PLXDC2: variants seen among roughly 807,000 people sequenced by gnomAD.
PLXDC2 encodes the protein plexin domain-containing protein 2.
A neutral mutation model predicts 68.9 loss-of-function variants in PLXDC2; 40 were observed. The observed-to-expected ratio is 0.58, with a 90% confidence interval of 0.45 to 0.76. PLXDC2 has a LOEUF of 0.76. Among genes scored for constraint, PLXDC2 ranks in the 30% least tolerant of loss-of-function variants. The probability of loss-of-function intolerance (pLI) is 0.00; values close to 1 mark genes in which losing one functional copy is unlikely to be tolerated. For missense variants in PLXDC2, 644 were observed against 661.9 expected, an observed-to-expected ratio of 0.97 and a Z score of 0.30; for synonymous variants, 243 against 234.2, an observed-to-expected ratio of 1.04 and a Z score of -0.34.
rs908221869 is a variant in PLXDC2, at chr10:20,280,195, C to T, written c.*376C>T. 2 of 165,892 alleles carry T rather than the reference C, an allele frequency of 1.2e-5. No individual in the cohort carries two copies. The highest frequency in any genetic ancestry group is 4.8e-5 in the African/African-American group (2 of 41,914). The allele number at this position is 165,892 out of a possible 1,614,324, so 10.3% of individuals were successfully genotyped here. The stretch of plus-strand genomic sequence containing the variant: ...GCTTTAGTTCATGAGGGATCGACAC[C>T]TTTGGTTCAAATGTTCTCTGATGTC... On this transcript the variant is annotated 3_prime_UTR_variant, in exon 14 of 14. Coordinates refer to ENST00000377252, the MANE Select transcript of PLXDC2 (RefSeq NM_032812.9).
intron 4 of PLXDC2, among the ~76,000 whole-genome samples, chr10:20,085,951 G>A (rs1274795295): frequency 6.6e-6 from 1 of 152,156 alleles, no homozygotes; most frequent in Non-Finnish European, 1.5e-5. Context: ...ATGGTAAAAG[G>A]AAAAACTAAG....
chr10:20,246,740 C>A (rs1835601335), intron 13 of PLXDC2, among the ~76,000 whole-genome samples: 1 of 152,176 alleles, frequency 6.6e-6, no homozygotes, highest in African/African-American at 2.4e-5. Context: ...TAAAAGAAAT[C>A]TTCTCTTGCA....
At chr10:19,933,085 G>A (rs1306143892) in intron 1 of PLXDC2, among the ~76,000 whole-genome samples, 1 of 152,198 alleles carries the variant, frequency 6.6e-6, no homozygotes, top group African/African-American at 2.4e-5. Flanking sequence ...AGTGTTGTTA[G>A]TTAGGCCTGG....
intron 3 of PLXDC2, among the ~76,000 whole-genome samples, chr10:20,061,305 A>G (rs10764189): frequency 0.77 from 117,813 of 152,152 alleles, 45,955 homozygotes; most frequent in East Asian, 0.9. Context: ...TGCCTTTCAT[A>G]AACATGACAC....
At chr10:20,095,668 C>G (rs1303945328) in intron 4 of PLXDC2, among the ~76,000 whole-genome samples, 1 of 152,092 alleles carries the variant, frequency 6.6e-6, no homozygotes, top group Non-Finnish European at 1.5e-5. Context: ...ATTCTGTGCT[C>G]TACTGAGGAG....
At chr10:20,186,981 G>A (rs1440841059) in intron 9 of PLXDC2, among the ~76,000 whole-genome samples, 1 of 151,810 alleles carries the variant, frequency 6.6e-6, no homozygotes. Context: ...AAGTGTATTT[G>A]GCTTTCTGTG....
At chr10:20,238,179 A>AAT (rs1339248057) in intron 12 of PLXDC2, among the ~76,000 whole-genome samples, 6 of 149,264 alleles carry the variant, frequency 4.0e-5, no homozygotes, top group Non-Finnish European at 8.9e-5. Flanking sequence ...TATATATACA[A>AAT]ATATATATAT....
At position 19,816,859 on chromosome 10, in the gene PLXDC2, C is replaced by T; in HGVS notation, c.-221C>T. 1 of 579,868 alleles carries T rather than the reference C, an allele frequency of 1.7e-6. No individual in the cohort carries two copies. Among genetic ancestry groups the T allele is most frequent in the Non-Finnish European group, 3.1e-6 (1 of 326,344 alleles). The allele number at this position is 579,868 out of a possible 1,614,324, so 35.9% of individuals were successfully genotyped here. A position where few individuals can be genotyped will look rare whatever the true frequency, so the allele number is the denominator to read the frequency against. On this transcript the variant is annotated 5_prime_UTR_variant, in exon 1 of 14. Coordinates refer to ENST00000377252, the MANE Select transcript of PLXDC2 (RefSeq NM_032812.9). Reference sequence around the variant, plus strand: ...TGAGGGCTGCGAGTGTGGCAAGTTGCAAAGAGAGCCTCAGAGGTCCGAAGA... The same window carrying T: ...TGAGGGCTGCGAGTGTGGCAAGTTGTAAAGAGAGCCTCAGAGGTCCGAAGA...
At chr10:20,195,781 G>C (rs79192707) in intron 9 of PLXDC2, among the ~76,000 whole-genome samples, 8,127 of 152,162 alleles carry the variant, frequency 0.053, 249 homozygotes, top group Middle Eastern at 0.088. Flanking sequence ...GAACAGAGAT[G>C]AGTTGATTCA....
At chr10:20,000,591 T>G (rs544839842) in intron 1 of PLXDC2, among the ~76,000 whole-genome samples, 1 of 152,324 alleles carries the variant, frequency 6.6e-6, no homozygotes, top group South Asian at 2.1e-4. Flanking sequence ...CCAAATAATA[T>G]CCTCTCTGTC....
chr10:20,230,866 A>G (rs907068815), intron 12 of PLXDC2, among the ~76,000 whole-genome samples: 24 of 151,044 alleles, frequency 1.6e-4, no homozygotes, highest in Non-Finnish European at 1.0e-4. Flanking sequence ...TTTCAAGTTC[A>G]CATGAAACGG....
intron 1 of PLXDC2, among the ~76,000 whole-genome samples, chr10:19,889,815 A>T (rs1029996894): frequency 6.6e-6 from 1 of 152,178 alleles, no homozygotes; most frequent in South Asian, 2.1e-4. Flanking sequence ...GGTAACCCAT[A>T]TAATTAAAAT....
chr10:20,119,653 G>A (rs1029530783), intron 4 of PLXDC2, among the ~76,000 whole-genome samples: 1 of 151,998 alleles, frequency 6.6e-6, no homozygotes. Context: ...TAGTGGTAAA[G>A]TGTTGGGACA....
intron 2 of PLXDC2, among the ~76,000 whole-genome samples, chr10:20,032,410 G>A (rs377131835): frequency 6.6e-6 from 1 of 152,140 alleles, no homozygotes; most frequent in Non-Finnish European, 1.5e-5. Context: ...TTCTAAGTGT[G>A]ATGAGAAGCC....
chr10:20,025,209 A>C (rs1347436385), intron 2 of PLXDC2, among the ~76,000 whole-genome samples: 1 of 152,020 alleles, frequency 6.6e-6, no homozygotes, highest in African/African-American at 2.4e-5. Flanking sequence ...CATTACCACC[A>C]ACAGAGTATA....
chr10:20,267,085 CTT>C (rs1835881194), intron 13 of PLXDC2, among the ~76,000 whole-genome samples: 1 of 152,144 alleles, frequency 6.6e-6, no homozygotes, highest in South Asian at 2.1e-4. Flanking sequence ...ATAAACAACT[CTT>C]TAAATTACAA....
chr10:20,031,805 ATTAT>A (rs144152981), intron 2 of PLXDC2, among the ~76,000 whole-genome samples: 104,352 of 148,214 alleles, frequency 0.7, 37,861 homozygotes, highest in East Asian at 0.86. Context: ...AGTTGTTTTT[ATTAT>A]TTATTTATTT....
At chr10:19,897,580 C>T (rs1036049575) in intron 1 of PLXDC2, among the ~76,000 whole-genome samples, 1 of 152,102 alleles carries the variant, frequency 6.6e-6, no homozygotes, top group Non-Finnish European at 1.5e-5. Context: ...ATTAGGAAAG[C>T]AGTTTAGGGA....
chr10:20,000,035 T>G (rs1310015380), intron 1 of PLXDC2, among the ~76,000 whole-genome samples: 1 of 152,196 alleles, frequency 6.6e-6, no homozygotes, highest in Non-Finnish European at 1.5e-5. Context: ...TACTTAATTT[T>G]GCCTGGTCCG....
Sources: gnomAD v4.1 joint callset for allele counts (sites outside exome capture counted in the v4.1 genomes callset) on GRCh38, gnomAD v4.1.1 for gene constraint, MANE v1.5 for transcripts, NCBI Gene and HGNC (gene_info 2026-07-23, HGNC 2026-07-21) for gene names.